The following ZNF536 variants were observed in gnomAD, a reference collection of about 807,000 sequenced individuals.
ZNF536 encodes the protein zinc finger protein 536.
A neutral mutation model predicts 84.5 loss-of-function variants in ZNF536; 13 were observed. That is an observed-to-expected ratio of 0.15 (90% CI 0.10 to 0.24). The LOEUF (loss-of-function observed/expected upper bound fraction) is 0.24. Ranked by LOEUF, ZNF536 falls within the 10% of genes least tolerant of loss-of-function variation. The probability of loss-of-function intolerance (pLI) is 1.00; values close to 1 mark genes in which losing one functional copy is unlikely to be tolerated. For missense variants in ZNF536, 1,536 were observed against 1,747.5 expected (o/e 0.88, Z 2.16); for synonymous variants, 811 against 742.5 (o/e 1.09, Z -1.50).
chr19:30,567,389 T>C (rs546116986), intron 1 of ZNF536, among the ~76,000 whole-genome samples: 11 of 152,342 alleles, frequency 7.2e-5, no homozygotes, highest in African/African-American at 2.4e-4. Context: ...GCTCTCCTCC[T>C]ATCCCCTCAG....
chr19:30,363,515 C>T (rs2048338482), intron 3 of ZNF536, among the ~76,000 whole-genome samples: 2 of 152,190 alleles, frequency 1.3e-5, no homozygotes, highest in South Asian at 2.1e-4. Context: ...CTACCCGGAA[C>T]CACCATCCTA....
chr19:30,479,177 G>A (rs2053971104), intron 2 of ZNF536, among the ~76,000 whole-genome samples: 2 of 152,138 alleles, frequency 1.3e-5, no homozygotes. Flanking sequence ...CTCATCCGGA[G>A]CTCAATCGGT....
chr19:30,515,397 T>C (rs533867394), intron 2 of ZNF536, among the ~76,000 whole-genome samples: 21 of 152,350 alleles, frequency 1.4e-4, no homozygotes, highest in African/African-American at 4.8e-4. Context: ...TCGTTTATGA[T>C]AAGAGTTCAG....
intron 2 of ZNF536, among the ~76,000 whole-genome samples, chr19:30,297,259 C>CT (rs2046027442): frequency 1.3e-5 from 2 of 152,146 alleles, no homozygotes; most frequent in South Asian, 4.2e-4. Context: ...TCCTGAAGTC[C>CT]TTTTACATCT....
chr19:30,350,743 C>T (rs1432540241), intron 2 of ZNF536, among the ~76,000 whole-genome samples: 1 of 152,158 alleles, frequency 6.6e-6, no homozygotes, highest in Non-Finnish European at 1.5e-5. Context: ...TCCACAGTGG[C>T]TTCATATGAA....
chr19:30,408,785 A>C (rs1215563989), intron 1 of ZNF536, among the ~76,000 whole-genome samples: 1 of 151,124 alleles, frequency 6.6e-6, no homozygotes, highest in Admixed American at 6.6e-5. Context: ...ATCTATTCAT[A>C]CATCTATCCT....
intron 1 of ZNF536, among the ~76,000 whole-genome samples, chr19:30,694,432 A>G (rs16964544): frequency 0.36 from 54,622 of 151,938 alleles, 10,253 homozygotes; most frequent in East Asian, 0.57. Flanking sequence ...AAGAAAGTGC[A>G]ATACTGGCTG....
intron 1 of ZNF536, among the ~76,000 whole-genome samples, chr19:30,382,215 A>G (rs1339534932): frequency 6.6e-6 from 1 of 152,166 alleles, no homozygotes; most frequent in Non-Finnish European, 1.5e-5. Context: ...CAGTTATTAG[A>G]AGAAAGTTGT....
At chr19:30,555,236 T>C (rs1268051788) in intron 4 of ZNF536, 1 of 152,138 alleles carries the variant, frequency 6.6e-6, no homozygotes, top group Non-Finnish European at 1.5e-5. Flanking sequence ...AAATAGATGA[T>C]AGAGATAAAA....
In ZNF536 at chr19:30,597,873, G is replaced by A. The variant is rs533731602; in HGVS notation, c.169+48359G>A. On this transcript the variant is annotated intron_variant, in intron 1 of 1. Transcript: ENST00000592773. The stretch of plus-strand genomic sequence containing the variant: ...GTCGTATGCATGTTGTTATTGATAT[G>A]TGTATTGTTGTTGTGTATACATTAT... Among the ~76,000 whole-genome samples the A allele has an allele frequency of 4.6e-5, 7 of 150,862 alleles. No individual in the cohort carries two copies. In the South Asian group the frequency reaches 1.0e-3, roughly 22 times the overall value.
intron 1 of ZNF536, among the ~76,000 whole-genome samples, chr19:30,658,015 C>T (rs368672045): frequency 0.022 from 1,833 of 82,642 alleles, 27 homozygotes; most frequent in African/African-American, 0.087. Context: ...AATGGCTTTC[C>T]ATTCCCCCCC....
At chr19:30,323,467 G>C (rs13345658) in intron 2 of ZNF536, among the ~76,000 whole-genome samples, 1,892 of 152,320 alleles carry the variant, frequency 0.012, 41 homozygotes, top group African/African-American at 0.043. Context: ...CTAAGTGTAT[G>C]CAGGGAGAGG....
rs1372018664 is a variant in ZNF536, at chr19:30,386,443, C to A, written c.-3+13887C>A. On this transcript the variant is annotated intron_variant, in intron 1 of 4. Coordinates refer to ENST00000355537, the MANE Select transcript of ZNF536 (RefSeq NM_014717.3). The stretch of plus-strand genomic sequence containing the variant: ...CCAGGCTGGAGTGCAGTGGAGTGAT[C>A]ATGGGTCACTGAAGAGTCGACCTCT... Among the ~76,000 whole-genome samples the A allele has an allele frequency of 5.9e-5, 9 of 152,208 alleles. No individual in the cohort carries two copies. In the East Asian group the frequency reaches 1.7e-3, roughly 29 times the overall value.
chr19:30,429,236 AC>A (rs1465799757), intron 1 of ZNF536, among the ~76,000 whole-genome samples: 2 of 152,130 alleles, frequency 1.3e-5, no homozygotes, highest in Admixed American at 6.5e-5. Context: ...TCCTGAGCAC[AC>A]CTGCTAGTGT....
intron 1 of ZNF536, among the ~76,000 whole-genome samples, chr19:30,376,227 C>T (rs1483785157): frequency 6.6e-6 from 1 of 152,144 alleles, no homozygotes; most frequent in African/African-American, 2.4e-5. Flanking sequence ...ACCTTGGCAT[C>T]CCCTCTCCCC....
intron 2 of ZNF536, among the ~76,000 whole-genome samples, chr19:30,474,914 T>TC (rs1212733278): frequency 2.1e-5 from 3 of 145,290 alleles, no homozygotes; most frequent in Admixed American, 6.9e-5. Flanking sequence ...CTGTGCATTC[T>TC]CCCCCCACAT....
chr19:30,320,760 C>A (rs1179739558), intron 2 of ZNF536, among the ~76,000 whole-genome samples: 1 of 152,098 alleles, frequency 6.6e-6, no homozygotes, highest in Non-Finnish European at 1.5e-5. Context: ...TTATTTTCTC[C>A]GTGAAACGCC....
At chr19:30,558,857 C>T (rs1330234874), downstream of ZNF536, among the ~76,000 whole-genome samples, 3 of 145,504 alleles carry the variant, frequency 2.1e-5, no homozygotes, top group African/African-American at 8.5e-5. Context: ...GACACAATCT[C>T]ATAGGACACA....
intron 1 of ZNF536, among the ~76,000 whole-genome samples, chr19:30,595,055 A>C (rs1012709367): frequency 6.6e-6 from 1 of 152,122 alleles, no homozygotes; most frequent in Non-Finnish European, 1.5e-5. Flanking sequence ...GGCACCGCAC[A>C]GAGGTAGGTC....
Sources: allele counts gnomAD v4.1 joint callset (sites outside exome capture counted in the v4.1 genomes callset), GRCh38; gene constraint gnomAD v4.1.1; transcripts MANE v1.5; gene names NCBI Gene and HGNC (gene_info 2026-07-23, HGNC 2026-07-21).